Variants in RNF216 observed in about 807,000 individuals in gnomAD.
RNF216 encodes ring finger protein 216, also known as E3 ubiquitin-protein ligase RNF216.
Under a neutral mutation model 110.8 loss-of-function variants are expected in RNF216, and 72 were observed. The observed-to-expected ratio is 0.65, with a 90% CI of 0.54 to 0.79. The LOEUF (loss-of-function observed/expected upper bound fraction) is 0.79, where lower values mean the gene tolerates loss of function less well. Among genes scored for constraint, RNF216 ranks in the 30% least tolerant of loss-of-function variants. The pLI, the probability that RNF216 is intolerant of heterozygous loss-of-function variation, is 0.00. For missense variants in RNF216, 1,342 were observed against 1,141.2 expected (o/e 1.18, Z -2.54); for synonymous variants, 495 against 407.5 (o/e 1.21, Z -2.59).
At chr7:5,760,373 G>C (rs1795867441) in intron 2 of RNF216, 1 of 295,364 alleles carries the variant, frequency 3.4e-6, no homozygotes, top group African/African-American at 2.2e-5. Flanking sequence ...AAAATTAGCA[G>C]GGCGTAGTGG....
intron 15 of RNF216, among the ~76,000 whole-genome samples, chr7:5,631,019 T>C (rs1250406712): frequency 6.6e-6 from 1 of 152,114 alleles, no homozygotes; most frequent in Non-Finnish European, 1.5e-5. Context: ...GAGGCAACTG[T>C]TCTAAGGTGT....
intron 15 of RNF216, among the ~76,000 whole-genome samples, chr7:5,639,400 C>T (rs1034400678): frequency 6.6e-6 from 1 of 151,948 alleles, no homozygotes; most frequent in African/African-American, 2.4e-5. Flanking sequence ...AAACACACTT[C>T]TGTTTTCCTT....
In RNF216 at chr7:5,622,728, G is replaced by A. The variant is rs2128554261; in HGVS notation, c.*132C>T. ...GCAGTAGCCCTTCTAGGAAAGGGGTGGGAAGAAAACCAGCCTACCCTTCAA... is the reference window on the plus strand; with the variant it reads ...GCAGTAGCCCTTCTAGGAAAGGGGTAGGAAGAAAACCAGCCTACCCTTCAA... On this transcript the variant is annotated 3_prime_UTR_variant, in exon 17 of 17. Transcript: ENST00000389902. The A allele has an allele frequency of 5.8e-6, 5 of 865,514 alleles. No individual in the cohort carries two copies. The highest frequency in any genetic ancestry group is 2.5e-5 in the East Asian group (1 of 39,846). The allele number at this position is 865,514 out of a possible 1,614,324, so 53.6% of individuals were successfully genotyped here. A position where few individuals can be genotyped will look rare whatever the true frequency, so the allele number is the denominator to read the frequency against.
intron 16 of RNF216, 51 bp from the exon 17 acceptor site, chr7:5,623,230 G>A: frequency 1.2e-5 from 18 of 1,501,154 alleles, no homozygotes; most frequent in Non-Finnish European, 1.6e-5. Context: ...CAACCTCAAT[G>A]GAATCTAGCC....
At chr7:5,773,197 A>G (rs558398469) in intron 1 of RNF216, among the ~76,000 whole-genome samples, 1 of 152,158 alleles carries the variant, frequency 6.6e-6, no homozygotes, top group South Asian at 2.1e-4. Flanking sequence ...CAGCTCTGGT[A>G]TCAAATTTGA....
chr7:5,724,626 G>A lies in RNF216; in HGVS notation c.1504+698C>T, dbSNP rs181160880. Among the ~76,000 whole-genome samples, 24 of 152,298 alleles carry A rather than the reference G, an allele frequency of 1.6e-4. No homozygotes were observed. In the Middle Eastern group the frequency reaches 0.01, roughly 65 times the overall value. On this transcript the variant is annotated intron_variant, in intron 8 of 16. Transcript: ENST00000389902. Reference sequence around the variant, plus strand: ...CCTAAGGGATTTTCTTTTAGAGCCTGAAAAGTTCATAGTAAATACAAATAC... The same window carrying A: ...CCTAAGGGATTTTCTTTTAGAGCCTAAAAAGTTCATAGTAAATACAAATAC...
At chr7:5,692,640 G>A (rs927333180) in intron 13 of RNF216, among the ~76,000 whole-genome samples, 1 of 152,168 alleles carries the variant, frequency 6.6e-6, no homozygotes, top group South Asian at 2.1e-4. Context: ...ACCACAAAAC[G>A]CCATCCCTCG....
intron 7 of RNF216, among the ~76,000 whole-genome samples, chr7:5,728,934 C>T (rs1793923576): frequency 6.6e-6 from 1 of 152,212 alleles, no homozygotes; most frequent in Non-Finnish European, 1.5e-5. Context: ...CAGCACCCTC[C>T]TCACCCTCAA....
At chr7:5,755,316 A>C (rs1253048402) in intron 2 of RNF216, among the ~76,000 whole-genome samples, 1 of 152,178 alleles carries the variant, frequency 6.6e-6, no homozygotes, top group Non-Finnish European at 1.5e-5. Context: ...ATACCACACA[A>C]CACACCACAT....
chr7:5,711,663 TA>T, intron 13 of RNF216, 97 bp downstream of exon 13: 1 of 907,404 alleles, frequency 1.1e-6, no homozygotes, highest in Non-Finnish European at 1.7e-6. Context: ...ATCCTTCTTA[TA>T]CATCAGCAGT....
intron 2 of RNF216, among the ~76,000 whole-genome samples, chr7:5,758,409 G>A (rs1795758788): frequency 6.6e-6 from 1 of 152,168 alleles, no homozygotes; most frequent in African/African-American, 2.4e-5. Context: ...AATAAAATTT[G>A]CTCAATTTTA....
intron 13 of RNF216, among the ~76,000 whole-genome samples, chr7:5,694,094 C>T (rs778182105): frequency 2.0e-4 from 30 of 152,180 alleles, no homozygotes; most frequent in African/African-American, 2.7e-4. Context: ...GGAAATTATA[C>T]CACTTAGCTC....
At chr7:5,663,599 A>C (rs1230155968) in intron 13 of RNF216, among the ~76,000 whole-genome samples, 2 of 149,778 alleles carry the variant, frequency 1.3e-5, no homozygotes, top group Non-Finnish European at 3.0e-5. Context: ...AAAAAAAAAA[A>C]AAAAAAAAAG....
intron 3 of RNF216, among the ~76,000 whole-genome samples, chr7:5,747,460 G>A (rs930324405): frequency 2.0e-5 from 3 of 152,210 alleles, no homozygotes; most frequent in African/African-American, 4.8e-5. Context: ...GCCAGGCAAA[G>A]CCTGAAATAT....
intron 9 of RNF216, among the ~76,000 whole-genome samples, chr7:5,719,842 G>A (rs896985707): frequency 6.6e-5 from 10 of 152,134 alleles, no homozygotes; most frequent in African/African-American, 2.4e-4. Flanking sequence ...CTGCTTTGTG[G>A]CTCAGTTGCA....
At chr7:5,679,277 G>A (rs1790504563) in intron 13 of RNF216, among the ~76,000 whole-genome samples, 1 of 152,208 alleles carries the variant, frequency 6.6e-6, no homozygotes, top group Non-Finnish European at 1.5e-5. Flanking sequence ...TGCTGCTCCA[G>A]CCAGCCCCTG....
chr7:5,644,274 G>A (rs907468980), intron 14 of RNF216, among the ~76,000 whole-genome samples: 1 of 152,058 alleles, frequency 6.6e-6, no homozygotes, highest in Non-Finnish European at 1.5e-5. Context: ...AACTATGGCG[G>A]CTACACTATT....
At chr7:5,767,974 C>T (rs2128677129) in intron 1 of RNF216, among the ~76,000 whole-genome samples, 1 of 152,090 alleles carries the variant, frequency 6.6e-6, no homozygotes. Flanking sequence ...ATCTAAGATC[C>T]TAGGAGAGCC....
chr7:5,703,930 G>A (rs1792126094), intron 13 of RNF216, among the ~76,000 whole-genome samples: 1 of 152,200 alleles, frequency 6.6e-6, no homozygotes, highest in Non-Finnish European at 1.5e-5. Flanking sequence ...CTGACCCTAA[G>A]AATACATATT....
Sources: gnomAD v4.1 joint callset for allele counts (sites outside exome capture counted in the v4.1 genomes callset) on GRCh38, gnomAD v4.1.1 for gene constraint, MANE v1.5 for transcripts, NCBI Gene and HGNC (gene_info 2026-07-23, HGNC 2026-07-21) for gene names.